ADPRHL1: variants seen among roughly 807,000 people sequenced by gnomAD.
ADPRHL1 encodes the protein ADP-ribosylhydrolase like 1.
ADPRHL1 carries 43 observed loss-of-function variants against 44.1 expected under a neutral mutation model. The ratio of observed to expected loss-of-function variants is 0.98; its 90% CI spans 0.76 to 1.26. The LOEUF is 1.26. Among genes scored for constraint, ADPRHL1 ranks in the 50% most tolerant of loss-of-function variants. The pLI, the probability that ADPRHL1 is intolerant of heterozygous loss-of-function variation, is 0.00. For missense variants in ADPRHL1, 2,022 were observed against 2,496.9 expected (o/e 0.81, Z 4.05); for synonymous variants, 878 against 1,017.4 (o/e 0.86, Z 2.61).
At chr13:113,408,848 A>AGGGGGCTGCAGAGAGGGGGGGAGGAG (rs2043828529) in intron 7 of ADPRHL1, among the ~76,000 whole-genome samples, 1 of 117,390 alleles carries the variant, frequency 8.5e-6, no homozygotes, top group African/African-American at 3.5e-5. Context: ...GCAGGGGAGG[A>AGGGGGCTGCAGAGAGGGGGGGAGGAG]GGGGGCTGCA....
rs989782054 is a variant in ADPRHL1, at chr13:113,402,580, C to T, written c.*798G>A. 6.5e-6 allele frequency: 1 copy of T among 152,784 alleles called. No homozygotes were observed. Among genetic ancestry groups the T allele is most frequent in the South Asian group, 2.1e-4 (1 of 4,838 alleles). The allele number at this position is 152,784 out of a possible 1,614,324, so 9.5% of individuals were successfully genotyped here. On this transcript the variant is annotated 3_prime_UTR_variant, in exon 8 of 8. Transcript: ENST00000612156. ...GCACCAGTGGCACCACCCACAGGGA[C>T]TGCAGGGAAGGGCGGGCAGGCTCCC...
intron 1 of ADPRHL1, among the ~76,000 whole-genome samples, chr13:113,450,167 C>T (rs774641013): frequency 6.6e-5 from 10 of 152,158 alleles, no homozygotes; most frequent in Non-Finnish European, 8.8e-5. Context: ...ATCTGCCCAC[C>T]GTGGCCTCCC....
rs559827523 is a variant in ADPRHL1 at position 113,404,984 on chromosome 13, C to T, written c.4298G>A (p.Gly1433Glu). The change falls in exon 8 of 8, where the codon GGG becomes GAG. Residue 1433 changes from glycine (G) to glutamate (E), a missense_variant. By Grantham distance (98) the Gly-to-Glu change is moderately conservative. Around this residue, in one of 8 missense-constraint regions of ADPRHL1, gnomAD observed 1,221 missense variants for 1,517.8 expected, o/e 0.80. Transcript: ENST00000612156. ...TTGGTCACTGCGCTGGCAGGCGCCC[C>T]CAACCCCAATGGCCATCCCTTTGTC... Reference protein sequence around the residue: ...AGDKGMAIGVGGACQRSDQGQ... With the variant: ...AGDKGMAIGVEGACQRSDQGQ... The T allele has an allele frequency of 1.3e-5, 16 of 1,234,918 alleles. No individual in the cohort carries two copies. In the South Asian group the frequency reaches 6.4e-4, roughly 50 times the overall value. The allele number at this position is 1,234,918 out of a possible 1,614,324, so 76.5% of individuals were successfully genotyped here.
chr13:113,411,534 G>A (rs567100589), intron 7 of ADPRHL1, among the ~76,000 whole-genome samples: 6 of 152,352 alleles, frequency 3.9e-5, no homozygotes, highest in East Asian at 1.9e-4. Flanking sequence ...AGCGGTGAGC[G>A]TGGAGGACGT....
intron 2 of ADPRHL1, among the ~76,000 whole-genome samples, chr13:113,435,177 T>G (rs1423440786): frequency 4.3e-4 from 11 of 25,832 alleles, no homozygotes; most frequent in African/African-American, 5.2e-4. Flanking sequence ...GTGTACCCTG[T>G]GACCCAGCAC....
At chr13:113,438,241 T>G (rs2044074718) in intron 2 of ADPRHL1, among the ~76,000 whole-genome samples, 1 of 152,204 alleles carries the variant, frequency 6.6e-6, no homozygotes, top group South Asian at 2.1e-4. Context: ...ACTTGCTACA[T>G]TTTTAAAAAT....
At chr13:113,435,384 C>A (rs1456101350) in intron 2 of ADPRHL1, among the ~76,000 whole-genome samples, 89 of 140,032 alleles carry the variant, frequency 6.4e-4, no homozygotes, top group African/African-American at 2.3e-3. Context: ...TAGGTGTACC[C>A]CAGGACCTGG....
intron 7 of ADPRHL1, among the ~76,000 whole-genome samples, chr13:113,419,738 G>A (rs752552944): frequency 4.6e-5 from 7 of 152,268 alleles, no homozygotes; most frequent in African/African-American, 7.2e-5. Context: ...TTAAAAAGGC[G>A]CAGATTGGTC....
At chr13:113,450,903 A>T (rs998103448) in intron 1 of ADPRHL1, among the ~76,000 whole-genome samples, 1 of 152,016 alleles carries the variant, frequency 6.6e-6, no homozygotes, top group Non-Finnish European at 1.5e-5. Context: ...CAGGCCCTCC[A>T]CAAGAGGTGG....
At position 113,407,942 on chromosome 13, in the gene ADPRHL1, C is replaced by T. The variant is rs1448007861; in HGVS notation, c.1340G>A (p.Arg447Lys). 3 of 1,231,892 alleles carry T rather than the reference C, an allele frequency of 2.4e-6. No homozygotes were observed. Among genetic ancestry groups the T allele is most frequent in the African/African-American group, 3.1e-5 (2 of 64,444 alleles). 76.3% of individuals were successfully genotyped at this position (1,231,892 alleles called of 1,614,324 possible). ...GATCAGCCGGCCCACCTCCCTGGTC[C>T]TCTTGAGGTAGCGCTCCCGGCCAGT... Reference protein sequence around the residue: ...LGTGRERYLKRTREVGRLISK... With the variant: ...LGTGRERYLKKTREVGRLISK... The change falls in exon 8 of 8, where the codon AGG becomes AAG. Residue 447 changes from arginine (R) to lysine (K), a missense_variant. By Grantham distance (26) the Arg-to-Lys change is conservative. Around this residue, in one of 8 missense-constraint regions of ADPRHL1, gnomAD observed 1,221 missense variants for 1,517.8 expected, o/e 0.80. Coordinates refer to ENST00000612156, the MANE Select transcript of ADPRHL1 (RefSeq NM_001394807.1).
intron 1 of ADPRHL1, among the ~76,000 whole-genome samples, chr13:113,450,961 C>CA (rs1555328354): frequency 2.7e-5 from 4 of 150,882 alleles, no homozygotes; most frequent in East Asian, 3.9e-4. Context: ...GACCCCCCCC[C>CA]CCTTCCTGGT....
chr13:113,450,448 G>C (rs2044170757), intron 1 of ADPRHL1, among the ~76,000 whole-genome samples: 1 of 152,142 alleles, frequency 6.6e-6, no homozygotes, highest in African/African-American at 2.4e-5. Flanking sequence ...CACAAGACAA[G>C]AGATAAGAGA....
chr13:113,447,142 A>G (rs1354119793), intron 1 of ADPRHL1, among the ~76,000 whole-genome samples: 1 of 125,894 alleles, frequency 7.9e-6, no homozygotes. Context: ...TGCAAGTTGT[A>G]TGTGCATGGC....
intron 7 of ADPRHL1, 27 bp downstream of exon 7, chr13:113,422,799 G>C (rs375468934): frequency 6.2e-7 from 1 of 1,612,546 alleles, no homozygotes; most frequent in Non-Finnish European, 8.5e-7. Flanking sequence ...CGGCTCTCTA[G>C]GGGGAAAGTG....
chr13:113,423,316 TC>T (rs1267848672), intron 6 of ADPRHL1, among the ~76,000 whole-genome samples: 1 of 151,472 alleles, frequency 6.6e-6, no homozygotes, highest in Non-Finnish European at 1.5e-5. Context: ...CCCTTCTCCC[TC>T]CCTGGGGCAG....
At position 113,433,785 on chromosome 13, in the gene ADPRHL1, C is replaced by T. The variant is rs759019147; in HGVS notation, c.462G>A (p.Glu154=). The T allele has an allele frequency of 1.3e-6, 2 of 1,594,074 alleles. No homozygotes were observed. The highest frequency in any genetic ancestry group is 3.4e-5 in the Admixed American group (2 of 58,084). ...WKPERLETLI[E]VSVECGRMTH... ...TCATCCGGCCGCACTCCACGCTGAC[C>T]TCGATGAGGGTCTCCAGCCGCTCAG... Residue 154 remains glutamate (E), a synonymous_variant, in exon 3 of 8, where the codon GAG becomes GAA. Transcript: ENST00000612156.
intron 4 of ADPRHL1, among the ~76,000 whole-genome samples, chr13:113,425,430 T>A (rs1032799115): frequency 6.6e-6 from 1 of 152,196 alleles, no homozygotes; most frequent in African/African-American, 2.4e-5. Context: ...TGAGACGAAG[T>A]CTCCCTCTCG....
In ADPRHL1 at chr13:113,441,705, C is replaced by T. The variant is rs1477283472; in HGVS notation, c.379+2720G>A. 6.6e-6 allele frequency among the ~76,000 whole-genome samples: 1 copy of T among 152,170 alleles called. No individual in the cohort carries two copies. The highest frequency in any genetic ancestry group is 6.6e-5 in the Admixed American group (1 of 15,264). ...ATTTCTGTAACACTCTATCCCGCTG[C>T]GTGGGTCCATGTCTCTATCATGCCA... On this transcript the variant is annotated intron_variant, in intron 2 of 7. Coordinates refer to ENST00000612156, the MANE Select transcript of ADPRHL1 (RefSeq NM_001394807.1). This position sits in a 1 kb window ranked among gnomAD's most constrained non-coding sequence, Gnocchi z 6.0.
rs9577270 is a variant in ADPRHL1 at position 113,441,701 on chromosome 13, G to A, written c.379+2724C>T. ...TACCATTTCTGTAACACTCTATCCC[G>A]CTGCGTGGGTCCATGTCTCTATCAT... On this transcript the variant is annotated intron_variant, in intron 2 of 7. Coordinates refer to ENST00000612156, the MANE Select transcript of ADPRHL1 (RefSeq NM_001394807.1). The surrounding 1 kb of genome is among the most constrained non-coding windows in gnomAD (Gnocchi z 6.0). 0.036 allele frequency among the ~76,000 whole-genome samples: 5,429 copies of A among 152,028 alleles called. 242 individuals are homozygous for A. The highest frequency in any genetic ancestry group is 0.1 in the African/African-American group (4,266 of 41,452).
Sources: gnomAD v4.1 joint callset for allele counts (sites outside exome capture counted in the v4.1 genomes callset) on GRCh38, gnomAD v4.1.1 for gene constraint, gnomAD v4.1.1 regional missense constraint, Gnocchi (gnomAD v3.1) non-coding constraint, MANE v1.5 for transcripts, NCBI Gene and HGNC (gene_info 2026-07-23, HGNC 2026-07-21) for gene names.